The following CAMK2D variants were observed in gnomAD, a reference collection of about 807,000 sequenced individuals.
The protein encoded by CAMK2D is calcium/calmodulin dependent protein kinase II delta.
Under a neutral mutation model 84.0 loss-of-function variants are expected in CAMK2D, and 37 were observed. The observed-to-expected ratio is 0.44, with a 90% CI of 0.34 to 0.58. The LOEUF (loss-of-function observed/expected upper bound fraction) is 0.58, where lower values mean the gene tolerates loss of function less well. Ranked by LOEUF, CAMK2D falls within the 20% of genes least tolerant of loss-of-function variation. The probability of loss-of-function intolerance (pLI) is 0.02; values close to 1 mark genes in which losing one functional copy is unlikely to be tolerated. For synonymous variants in CAMK2D, 202 were observed against 212.5 expected, an observed-to-expected ratio of 0.95 and a Z score of 0.43; for missense variants, 448 against 652.5, an observed-to-expected ratio of 0.69 and a Z score of 3.41.
At chr4:113,601,804 T>C (rs1185836343) in intron 4 of CAMK2D, among the ~76,000 whole-genome samples, 6 of 151,080 alleles carry the variant, frequency 4.0e-5, no homozygotes, top group African/African-American at 1.5e-4. Context: ...CAAGTGATTT[T>C]CCGCCTCAGC....
chr4:113,569,111 G>A (rs571515252), intron 4 of CAMK2D, among the ~76,000 whole-genome samples: 7 of 152,184 alleles, frequency 4.6e-5, no homozygotes, highest in Non-Finnish European at 8.8e-5. Flanking sequence ...TCAAACTCCT[G>A]ACCTCAAGTG....
At chr4:113,603,886 G>T (rs1216341660) in intron 4 of CAMK2D, among the ~76,000 whole-genome samples, 1 of 148,064 alleles carries the variant, frequency 6.8e-6, no homozygotes, top group Non-Finnish European at 1.5e-5. Context: ...CTTGAGACCG[G>T]AAGTTTGAGA....
intron 3 of CAMK2D, among the ~76,000 whole-genome samples, chr4:113,655,385 G>A (rs1224333600): frequency 6.6e-6 from 1 of 152,034 alleles, no homozygotes; most frequent in Non-Finnish European, 1.5e-5. Flanking sequence ...ATTGAGCTAT[G>A]ACGTGATCTA....
chr4:113,581,914 T>C (rs1350817176), intron 4 of CAMK2D, among the ~76,000 whole-genome samples: 3 of 152,204 alleles, frequency 2.0e-5, no homozygotes, highest in Non-Finnish European at 4.4e-5. Flanking sequence ...TCTGGGAAAC[T>C]AGAATATCAT....
chr4:113,759,316 C>T lies in CAMK2D; in HGVS notation c.160+4G>A. ...AACCAATATATGTGGTTGAAAATAC[C>T]CACCCCTAGCAGAAAGCTTTTTGGT... On this transcript the variant is annotated splice_donor_region_variant and intron_variant, in intron 2 of 20. Coordinates refer to ENST00000511664, the MANE Select transcript of CAMK2D (RefSeq NM_001321571.2). The T allele has an allele frequency of 2.5e-6, 4 of 1,587,140 alleles. No homozygotes were observed. The highest frequency in any genetic ancestry group is 1.1e-5 in the South Asian group (1 of 87,562).
chr4:113,666,022 G>T (rs1404446029), intron 2 of CAMK2D, among the ~76,000 whole-genome samples: 1 of 152,194 alleles, frequency 6.6e-6, no homozygotes, highest in Admixed American at 6.5e-5. Flanking sequence ...TATTTCAAAT[G>T]AGGTGGAAAA....
chr4:113,759,186 ATAATCT>A (rs2099635244), intron 2 of CAMK2D, 128 bp downstream of exon 2: 3 of 488,744 alleles, frequency 6.1e-6, no homozygotes, highest in South Asian at 4.8e-5. Context: ...CAGGAAGAAA[ATAATCT>A]TAATATATAA....
rs534959438 is a variant in CAMK2D at position 113,720,368 on chromosome 4, A to T, written c.160+38952T>A. ...AAAGAAAATCAACAATCACATTCTC[A>T]CACACACACACACACACACACACTC... is the stretch of plus-strand genomic sequence containing the variant. On this transcript the variant is annotated intron_variant, in intron 2 of 20. Transcript: ENST00000511664. 1.4e-4 allele frequency among the ~76,000 whole-genome samples: 20 copies of T among 139,802 alleles called. No homozygotes were observed. In the East Asian group the frequency reaches 4.1e-3, roughly 29 times the overall value. 91.7% of individuals were successfully genotyped at this position (139,802 alleles called of 152,430 possible).
intron 1 of CAMK2D, among the ~76,000 whole-genome samples, chr4:113,760,137 T>C (rs1162457933): frequency 2.6e-5 from 4 of 152,184 alleles, no homozygotes; most frequent in African/African-American, 9.7e-5. Context: ...TTGGGTTCCA[T>C]GCTACAAAAA....
At chr4:113,679,647 C>T (rs1300517591) in intron 2 of CAMK2D, among the ~76,000 whole-genome samples, 5 of 152,062 alleles carry the variant, frequency 3.3e-5, no homozygotes, top group African/African-American at 1.2e-4. Context: ...TAATTTTAAG[C>T]AAAACTTCTA....
rs566161404 is a variant in CAMK2D at position 113,460,609 on chromosome 4, C to T, written c.1212-368G>A. 2.6e-5 allele frequency among the ~76,000 whole-genome samples: 4 copies of T among 151,736 alleles called. No homozygotes were observed. The East Asian group carries it at 7.7e-4, about 29-fold the overall frequency. Reference sequence around the variant, plus strand: ...AAAATGCTCTCCAAGTCCTATTGTCCAAGTGTAAGACACTCTCCAAATCCT... The same window carrying T: ...AAAATGCTCTCCAAGTCCTATTGTCTAAGTGTAAGACACTCTCCAAATCCT... On this transcript the variant is annotated intron_variant, in intron 17 of 20. Coordinates refer to ENST00000511664, the MANE Select transcript of CAMK2D (RefSeq NM_001321571.2).
chr4:113,473,834 C>T (rs1328648721), intron 16 of CAMK2D, among the ~76,000 whole-genome samples: 1 of 151,800 alleles, frequency 6.6e-6, no homozygotes, highest in East Asian at 1.9e-4. Context: ...AGAATAAGTA[C>T]AAATAGGTTT....
chr4:113,632,393 T>C (rs541472650), intron 3 of CAMK2D, among the ~76,000 whole-genome samples: 2 of 151,998 alleles, frequency 1.3e-5, no homozygotes, highest in Non-Finnish European at 2.9e-5. Context: ...CCAGCTAATT[T>C]TGTAATTTTA....
At chr4:113,559,708 C>T (rs1206083989) in intron 4 of CAMK2D, among the ~76,000 whole-genome samples, 5 of 152,234 alleles carry the variant, frequency 3.3e-5, no homozygotes, top group South Asian at 2.1e-4. Flanking sequence ...GGGATGAAAT[C>T]GTTTCTGTGT....
intron 6 of CAMK2D, among the ~76,000 whole-genome samples, chr4:113,540,443 C>A (rs952260547): frequency 6.6e-6 from 1 of 152,122 alleles, no homozygotes; most frequent in African/African-American, 2.4e-5. Context: ...ATGTAGCTAG[C>A]TGACTATGGA....
intron 3 of CAMK2D, among the ~76,000 whole-genome samples, chr4:113,657,134 C>T (rs932049051): frequency 6.6e-6 from 1 of 152,134 alleles, no homozygotes; most frequent in Non-Finnish European, 1.5e-5. Context: ...GCTGTCATTG[C>T]TGTGTTTGGA....
At chr4:113,525,530 T>C (rs909876027) in intron 8 of CAMK2D, among the ~76,000 whole-genome samples, 1 of 152,212 alleles carries the variant, frequency 6.6e-6, no homozygotes, top group Non-Finnish European at 1.5e-5. Context: ...TTTCCAGTAA[T>C]GGAATAGTTG....
At chr4:113,578,217 A>G (rs186664327) in intron 4 of CAMK2D, among the ~76,000 whole-genome samples, 80 of 152,316 alleles carry the variant, frequency 5.3e-4, no homozygotes, top group Non-Finnish European at 8.5e-4. Flanking sequence ...ATCCTGTCAT[A>G]GTCAGCCCCT....
intron 4 of CAMK2D, among the ~76,000 whole-genome samples, chr4:113,600,422 T>C (rs1394139176): frequency 6.6e-6 from 1 of 152,156 alleles, no homozygotes; most frequent in African/African-American, 2.4e-5. Flanking sequence ...ATATGGAAAC[T>C]TTCTGTATTT....
Sources: gnomAD v4.1 joint callset for allele counts (sites outside exome capture counted in the v4.1 genomes callset) on GRCh38, gnomAD v4.1.1 for gene constraint, MANE v1.5 for transcripts, NCBI Gene and HGNC (gene_info 2026-07-23, HGNC 2026-07-21) for gene names.